Variants in DLGAP2 observed in about 807,000 individuals in gnomAD.
The protein encoded by DLGAP2 is disks large-associated protein 2.
Under a neutral mutation model 100.3 loss-of-function variants are expected in DLGAP2, and 26 were observed. The observed-to-expected ratio is 0.26, with a 90% CI of 0.19 to 0.36. DLGAP2 has a LOEUF of 0.36. DLGAP2 is among the 10% of genes least tolerant of loss of function. DLGAP2 has a pLI of 1.00. For synonymous variants in DLGAP2, 886 were observed against 630.1 expected, an observed-to-expected ratio of 1.41 and a Z score of -6.08; for missense variants, 1,858 against 1,453.2, an observed-to-expected ratio of 1.28 and a Z score of -4.53.
intron 2 of DLGAP2, among the ~76,000 whole-genome samples, chr8:1,023,764 G>T (rs978236009): frequency 6.6e-5 from 10 of 152,010 alleles, no homozygotes; most frequent in African/African-American, 2.4e-4. Context: ...TCATTCTGCA[G>T]CGAGATGGGG....
chr8:1,591,894 C>G (rs1299440144), intron 6 of DLGAP2, among the ~76,000 whole-genome samples: 1 of 152,320 alleles, frequency 6.6e-6, no homozygotes, highest in East Asian at 1.9e-4. Flanking sequence ...CCACGGACTC[C>G]CAGGGAGGTT....
intron 6 of DLGAP2, among the ~76,000 whole-genome samples, chr8:1,582,615 A>C (rs976809747): frequency 1.3e-5 from 2 of 151,750 alleles, no homozygotes; most frequent in Non-Finnish European, 2.9e-5. Context: ...GCCAAGATGG[A>C]GTCTCGCTCC....
intron 2 of DLGAP2, among the ~76,000 whole-genome samples, chr8:1,173,241 A>G (rs1470038796): frequency 6.6e-6 from 1 of 152,122 alleles, no homozygotes; most frequent in Non-Finnish European, 1.5e-5. Flanking sequence ...TTCTTCTGGA[A>G]GTTTTGTCTC....
intron 3 of DLGAP2, among the ~76,000 whole-genome samples, chr8:1,282,380 C>A (rs1488812868): frequency 2.6e-5 from 3 of 114,942 alleles, no homozygotes; most frequent in Non-Finnish European, 3.6e-5. Context: ...AACCCAGCAC[C>A]TGAAGCATCC....
intron 2 of DLGAP2, among the ~76,000 whole-genome samples, chr8:1,254,785 C>G (rs1799133572): frequency 6.6e-6 from 1 of 152,154 alleles, no homozygotes. Flanking sequence ...TGGATTTTAG[C>G]TTCCCTGGCC....
intron 4 of DLGAP2, among the ~76,000 whole-genome samples, chr8:1,529,382 C>G (rs1341043254): frequency 2.0e-5 from 3 of 152,152 alleles, no homozygotes; most frequent in African/African-American, 7.2e-5. Flanking sequence ...GATGGAGACA[C>G]AAAGCCTGGC....
intron 1 of DLGAP2, among the ~76,000 whole-genome samples, chr8:788,945 A>G (rs1053653664): frequency 1.3e-5 from 2 of 152,246 alleles, no homozygotes; most frequent in Non-Finnish European, 2.9e-5. Context: ...TGTGCCCTCA[A>G]CCGTCAACAC....
chr8:1,254,047 C>T (rs1405882185), intron 2 of DLGAP2, among the ~76,000 whole-genome samples: 1 of 152,218 alleles, frequency 6.6e-6, no homozygotes, highest in Non-Finnish European at 1.5e-5. Context: ...GAGTGAGCCG[C>T]CTCGTGAGGC....
At chr8:1,533,076 C>G (rs567904021) in intron 4 of DLGAP2, among the ~76,000 whole-genome samples, 3 of 150,176 alleles carry the variant, frequency 2.0e-5, no homozygotes, top group African/African-American at 7.4e-5. Flanking sequence ...ATGAGATATT[C>G]TCCCCCGAAG....
intron 6 of DLGAP2, among the ~76,000 whole-genome samples, chr8:1,570,199 C>A (rs1802597566): frequency 6.6e-6 from 1 of 152,194 alleles, no homozygotes; most frequent in Non-Finnish European, 1.5e-5. Context: ...ACCGGGGAGG[C>A]ACATACACAT....
chr8:1,121,824 T>G (rs13264138), intron 2 of DLGAP2, among the ~76,000 whole-genome samples: 6 of 152,210 alleles, frequency 3.9e-5, no homozygotes, highest in South Asian at 2.1e-4. Flanking sequence ...CCTTTAGAAT[T>G]CATGACAACA....
chr8:886,600 C>A (rs1797928142), intron 1 of DLGAP2, among the ~76,000 whole-genome samples: 1 of 152,170 alleles, frequency 6.6e-6, no homozygotes, highest in Admixed American at 6.5e-5. Flanking sequence ...CAAAGAACTT[C>A]TTGATTTCTG....
chr8:990,371 T>TCCACCCCCATACTC (rs1800634889), intron 2 of DLGAP2, among the ~76,000 whole-genome samples: 1 of 85,070 alleles, frequency 1.2e-5, no homozygotes, highest in African/African-American at 4.8e-5. Context: ...CCGGACCCCC[T>TCCACCCCCATACTC]GCACCCCCAT....
intron 2 of DLGAP2, among the ~76,000 whole-genome samples, chr8:1,009,277 G>C (rs1441896669): frequency 6.6e-6 from 1 of 152,168 alleles, no homozygotes; most frequent in Non-Finnish European, 1.5e-5. Context: ...TCAAGTCCCA[G>C]CAGAACAGAC....
In DLGAP2 at chr8:1,440,459, G is replaced by A. The variant is rs185049966; in HGVS notation, c.107-60907G>A. Among the ~76,000 whole-genome samples the A allele has an allele frequency of 3.8e-3, 584 of 152,306 alleles. 5 individuals are homozygous for A. Among genetic ancestry groups the A allele is most frequent in the Non-Finnish European group, 5.4e-3 (365 of 68,018 alleles). Reference sequence around the variant, plus strand: ...TGCGAGTGCACGGCCCACCCTGCCCGAATGCAGAGAAACACTAGAAGCTCT... The same window carrying A: ...TGCGAGTGCACGGCCCACCCTGCCCAAATGCAGAGAAACACTAGAAGCTCT... On this transcript the variant is annotated intron_variant, in intron 3 of 14. Coordinates refer to ENST00000637795, the MANE Select transcript of DLGAP2 (RefSeq NM_001346810.2).
intron 2 of DLGAP2, among the ~76,000 whole-genome samples, chr8:1,044,267 G>A (rs1197092473): frequency 6.6e-6 from 1 of 152,240 alleles, no homozygotes; most frequent in Non-Finnish European, 1.5e-5. Context: ...AATGGAATAT[G>A]TAAGAAAATG....
chr8:1,189,092 T>G (rs934467144), intron 2 of DLGAP2, among the ~76,000 whole-genome samples: 1 of 144,636 alleles, frequency 6.9e-6, no homozygotes, highest in Non-Finnish European at 1.5e-5. Flanking sequence ...GGTTCCGCGG[T>G]TGGGGTTGAC....
intron 3 of DLGAP2, among the ~76,000 whole-genome samples, chr8:1,456,850 C>A (rs1798330264): frequency 6.6e-6 from 1 of 152,272 alleles, no homozygotes. Flanking sequence ...CGTCAGCAGG[C>A]TGTGCACTGG....
At chr8:864,670 G>C (rs781127923) in intron 1 of DLGAP2, among the ~76,000 whole-genome samples, 1 of 152,104 alleles carries the variant, frequency 6.6e-6, no homozygotes, top group East Asian at 1.9e-4. Context: ...GACAGTCACC[G>C]GTGCACTTTC....
Sources: allele counts gnomAD v4.1 joint callset (sites outside exome capture counted in the v4.1 genomes callset), GRCh38; gene constraint gnomAD v4.1.1; transcripts MANE v1.5; gene names NCBI Gene and HGNC (gene_info 2026-07-23, HGNC 2026-07-21).